Variants in GSTT4 observed in about 807,000 individuals in gnomAD.
GSTT4 encodes the protein glutathione S-transferase theta 4.
Position 24,000,258 on chromosome 22 carries a change from A to T in GSTT4, c.352-7T>A, listed in dbSNP as rs1191163596. The T allele has an allele frequency of 2.6e-5, 4 of 153,266 alleles. No individual in the cohort carries two copies. The East Asian group carries it at 7.7e-4, about 30-fold the overall frequency. 9.5% of individuals were successfully genotyped at this position (153,266 alleles called of 1,614,324 possible). ...TTATCTTTGGGATCAGCAACTGGCC[A>T]GGGTTGGGAAGAGGAGGGAAGAGGA... On this transcript the variant is annotated splice_polypyrimidine_tract_variant and splice_region_variant and intron_variant, in intron 3 of 4. Transcript: ENST00000621179.
At chr22:23,993,821 A>G (rs147721369), downstream of GSTT4, among the ~76,000 whole-genome samples, 1,331 of 152,268 alleles carry the variant, frequency 8.7e-3, 16 homozygotes, top group Non-Finnish European at 0.014. Flanking sequence ...TCCAAGCCTT[A>G]TGTGTGGACA....
downstream of GSTT4, among the ~76,000 whole-genome samples, chr22:23,996,044 G>A (rs539556354): frequency 1.3e-5 from 2 of 151,936 alleles, no homozygotes; most frequent in Non-Finnish European, 2.9e-5. Context: ...CCTGGGCTCT[G>A]GTGATTCTCC....
At chr22:24,001,519 G>A (rs919904153) in intron 2 of GSTT4, among the ~76,000 whole-genome samples, 194 bp from the exon 3 acceptor site, 1 of 152,280 alleles carries the variant, frequency 6.6e-6, no homozygotes, top group African/African-American at 2.4e-5. Flanking sequence ...TGCGGGGTGA[G>A]TAGGAGTTGG....
the GSTT4 span, among the ~76,000 whole-genome samples, chr22:23,989,795 G>T: frequency 6.7e-6 from 1 of 149,202 alleles, no homozygotes; most frequent in Non-Finnish European, 1.5e-5. Context: ...GCTAGAGGCC[G>T]CATTAGGTGC....
At chr22:24,002,070 G>A (rs2034242227) in intron 2 of GSTT4, among the ~76,000 whole-genome samples, 3 of 152,284 alleles carry the variant, frequency 2.0e-5, no homozygotes, top group African/African-American at 7.2e-5. Context: ...GAGAGTAGGG[G>A]GTTGCAACTG....
chr22:24,003,171 C>G (rs953468863), intron 2 of GSTT4, among the ~76,000 whole-genome samples: 1 of 146,684 alleles, frequency 6.8e-6, no homozygotes, highest in African/African-American at 2.5e-5. Context: ...GAACTCTTAT[C>G]TCTGAAAAGT....
chr22:23,997,243 G>T (rs547469567), downstream of GSTT4, among the ~76,000 whole-genome samples: 34 of 151,640 alleles, frequency 2.2e-4, no homozygotes, highest in African/African-American at 8.0e-4. Context: ...TTTGAGATAA[G>T]GTTCTTCTAT....
At chr22:23,995,164 C>T (rs1195316404), downstream of GSTT4, among the ~76,000 whole-genome samples, 2 of 148,112 alleles carry the variant, frequency 1.4e-5, no homozygotes, top group Non-Finnish European at 3.0e-5. Flanking sequence ...GTCAGAGTAT[C>T]GCTCTGTCAC....
chr22:24,001,915 T>C (rs995310497), intron 2 of GSTT4, among the ~76,000 whole-genome samples: 8 of 152,372 alleles, frequency 5.3e-5, no homozygotes, highest in African/African-American at 1.7e-4. Flanking sequence ...CACTTGAACC[T>C]GGGAGGCAGA....
chr22:23,998,957 G>T (rs574376615), intron 4 of GSTT4, among the ~76,000 whole-genome samples: 29 of 152,360 alleles, frequency 1.9e-4, no homozygotes, highest in Middle Eastern at 3.4e-3. Flanking sequence ...TGGTCTTCTT[G>T]CTCCAAGCCT....
downstream of GSTT4, among the ~76,000 whole-genome samples, chr22:23,995,481 C>T (rs111753941): frequency 0.012 from 1,530 of 131,958 alleles, no homozygotes; most frequent in African/African-American, 0.039. Context: ...AGATTCCAAC[C>T]GAAATACATA....
downstream of GSTT4, among the ~76,000 whole-genome samples, chr22:23,995,369 C>T (rs1486454176): frequency 2.0e-5 from 3 of 152,122 alleles, no homozygotes; most frequent in Non-Finnish European, 2.9e-5. Context: ...AACCCAGTAG[C>T]GTACACTTCC....
rs1222709935 is a variant in GSTT4, at chr22:24,001,705, G to C, written c.201-380C>G. 3.3e-5 allele frequency among the ~76,000 whole-genome samples: 5 copies of C among 152,262 alleles called. No individual in the cohort carries two copies. The South Asian group carries it at 8.3e-4, about 25-fold the overall frequency. On this transcript the variant is annotated intron_variant, in intron 2 of 4. Transcript: ENST00000621179. ...AGATCCTTTTTCAAAAACAAAAACG[G>C]GGGGGCACGATGGCTCACACCTGTA...
chr22:24,005,081 C>G (rs1316786483), intron 1 of GSTT4, 164 bp downstream of exon 1: 2 of 152,312 alleles, frequency 1.3e-5, no homozygotes, highest in African/African-American at 4.8e-5. Context: ...AGGAGACGCA[C>G]TTGAACCCAG....
the GSTT4 span, among the ~76,000 whole-genome samples, chr22:23,991,607 C>A: frequency 2.0e-5 from 2 of 100,980 alleles, no homozygotes; most frequent in South Asian, 4.0e-4. Context: ...GGTCACCGAG[C>A]CTGCAGCGGT....
downstream of GSTT4, among the ~76,000 whole-genome samples, chr22:23,995,192 G>C (rs1320197842): frequency 2.0e-5 from 3 of 151,860 alleles, no homozygotes; most frequent in Non-Finnish European, 2.9e-5. Flanking sequence ...GAGTACAGTG[G>C]TGCGATCTTG....
chr22:23,993,968 TCAAA>T (rs1194167419), downstream of GSTT4, among the ~76,000 whole-genome samples: 1 of 152,164 alleles, frequency 6.6e-6, no homozygotes, highest in Admixed American at 6.5e-5. Context: ...CACCCAACAG[TCAAA>T]CAGGGGTGGA....
intron 2 of GSTT4, among the ~76,000 whole-genome samples, chr22:24,002,281 G>T (rs1317544147): frequency 1.2e-4 from 18 of 152,236 alleles, no homozygotes; most frequent in Non-Finnish European, 1.5e-5. Flanking sequence ...ACAATGAGGG[G>T]GCCAGCAACT....
downstream of GSTT4, among the ~76,000 whole-genome samples, chr22:23,995,493 A>C (rs1470126932): frequency 1.3e-5 from 2 of 152,166 alleles, no homozygotes; most frequent in Non-Finnish European, 2.9e-5. Flanking sequence ...AAATACATAG[A>C]AGAGTGATAT....
Sources: allele counts gnomAD v4.1 joint callset (sites outside exome capture counted in the v4.1 genomes callset), GRCh38; gene constraint gnomAD v4.1.1; transcripts MANE v1.5; gene names NCBI Gene and HGNC (gene_info 2026-07-23, HGNC 2026-07-21).